The following RABGEF1 variants were observed in gnomAD, a reference collection of about 807,000 sequenced individuals.
The protein encoded by RABGEF1 is rab5 GDP/GTP exchange factor.
A neutral mutation model predicts 57.3 loss-of-function variants in RABGEF1; 26 were observed. That is an observed-to-expected ratio of 0.45 (90% CI 0.33 to 0.63). RABGEF1 has a LOEUF of 0.63. Among genes scored for constraint, RABGEF1 ranks in the 20% least tolerant of loss-of-function variants. The probability of loss-of-function intolerance (pLI) is 0.02; values close to 1 mark genes in which losing one functional copy is unlikely to be tolerated. For missense variants in RABGEF1, 464 were observed against 607.6 expected, an observed-to-expected ratio of 0.76 and a Z score of 2.48; for synonymous variants, 185 against 210.7, an observed-to-expected ratio of 0.88 and a Z score of 1.06.
At chr7:66,745,741 C>CTTGG (rs1800059784) in intron 1 of RABGEF1, among the ~76,000 whole-genome samples, 2 of 147,556 alleles carry the variant, frequency 1.4e-5, no homozygotes, top group South Asian at 4.3e-4. Context: ...TGCACTCCAG[C>CTTGG]TTGGGCAACA....
chr7:66,713,126 C>T (rs1284134737), intron 2 of RABGEF1, among the ~76,000 whole-genome samples: 4 of 148,314 alleles, frequency 2.7e-5, no homozygotes, highest in Admixed American at 6.8e-5. Context: ...TTGGGATTTT[C>T]TTTTTTTCTT....
the RABGEF1 span, chr7:66,669,967 G>A: frequency 6.6e-6 from 1 of 152,120 alleles, no homozygotes; most frequent in East Asian, 1.9e-4. Context: ...GCTTGGCCCT[G>A]GAGGCCAGCA....
chr7:66,804,996 C>T, intron 7 of RABGEF1, 144 bp from the exon 8 acceptor site: 1 of 920,982 alleles, frequency 1.1e-6, no homozygotes, highest in South Asian at 1.8e-5. Context: ...ATCATATTTA[C>T]TAAGTTATTA....
At chr7:66,739,610 C>T (rs1450879228), upstream of RABGEF1, among the ~76,000 whole-genome samples, 1 of 142,012 alleles carries the variant, frequency 7.0e-6, no homozygotes, top group East Asian at 2.1e-4. Flanking sequence ...TGCAGTAAGC[C>T]GAGATCGCAC....
chr7:66,707,666 C>T (rs1355623334), intron 1 of RABGEF1, among the ~76,000 whole-genome samples: 6 of 152,058 alleles, frequency 3.9e-5, no homozygotes, highest in Non-Finnish European at 7.4e-5. Flanking sequence ...CCAGACTGGG[C>T]AAAAGAGCAA....
intron 1 of RABGEF1, chr7:66,712,065 T>A (rs1794844043): frequency 6.6e-6 from 1 of 152,240 alleles, no homozygotes; most frequent in Admixed American, 6.5e-5. Context: ...TTGCTTTGGC[T>A]ATTCTAATTC....
the RABGEF1 span, among the ~76,000 whole-genome samples, chr7:66,657,449 A>G: frequency 6.6e-6 from 1 of 152,224 alleles, no homozygotes; most frequent in Non-Finnish European, 1.5e-5. Context: ...ATGAAAATGA[A>G]AACACAACAT....
chr7:66,676,287 A>AATAT, the RABGEF1 span, among the ~76,000 whole-genome samples: 22 of 150,824 alleles, frequency 1.5e-4, no homozygotes, highest in African/African-American at 3.6e-4. Flanking sequence ...CGTTTCAAAA[A>AATAT]ATATATATAT....
rs1024130038 is a variant in RABGEF1 at position 66,760,442 on chromosome 7, A to ATT, written c.-17-11424_-17-11423dup. Reference sequence around the variant, plus strand: ...TCCCTTGTAAAGTTGGTTAGCATGTATTTTTTTTTTTTTTTTTTGGAGACA... The same window carrying ATT: ...TCCCTTGTAAAGTTGGTTAGCATGTATTTTTTTTTTTTTTTTTTTTGGAGACA... On this transcript the variant is annotated intron_variant, in intron 1 of 8. Transcript: ENST00000284957. Among the ~76,000 whole-genome samples, 317 of 126,122 alleles carry ATT rather than the reference A, an allele frequency of 2.5e-3. 3 individuals carry two copies. Among genetic ancestry groups the ATT allele is most frequent in the East Asian group, 4.2e-3 (18 of 4,268 alleles). 82.7% of individuals were successfully genotyped at this position (126,122 alleles called of 152,430 possible). A position where few individuals can be genotyped will look rare whatever the true frequency, so the allele number is the denominator to read the frequency against.
the RABGEF1 span, among the ~76,000 whole-genome samples, chr7:66,670,433 A>ATTTT: frequency 7.6e-4 from 88 of 116,030 alleles, 1 homozygote; most frequent in Admixed American, 2.0e-3. Flanking sequence ...GAATGAGATG[A>ATTTT]TTTTTTTTTT....
chr7:66,760,388 T>G (rs1455678023), intron 1 of RABGEF1, among the ~76,000 whole-genome samples: 2 of 152,192 alleles, frequency 1.3e-5, no homozygotes. Flanking sequence ...ATGCCCCAGT[T>G]TATTTAACCA....
intron 2 of RABGEF1, among the ~76,000 whole-genome samples, chr7:66,715,660 A>G (rs1173863584): frequency 2.0e-5 from 3 of 152,230 alleles, no homozygotes; most frequent in African/African-American, 7.2e-5. Context: ...GTATGATCAG[A>G]AAGCATCGTT....
At chr7:66,742,889 C>G (rs1382726132) in intron 1 of RABGEF1, among the ~76,000 whole-genome samples, 1 of 152,164 alleles carries the variant, frequency 6.6e-6, no homozygotes, top group Non-Finnish European at 1.5e-5. Flanking sequence ...TTACAGGCAT[C>G]AGCTACCGAG....
the RABGEF1 span, among the ~76,000 whole-genome samples, chr7:66,667,860 C>T: frequency 2.6e-5 from 4 of 152,144 alleles, no homozygotes; most frequent in Non-Finnish European, 4.4e-5. Context: ...TGCAATGGTG[C>T]AATCTCGGCT....
At chr7:66,760,796 A>G (rs868472925) in intron 1 of RABGEF1, among the ~76,000 whole-genome samples, 3 of 151,906 alleles carry the variant, frequency 2.0e-5, no homozygotes, top group Admixed American at 6.6e-5. Context: ...GAGATTTTTG[A>G]ACATTTTTAA....
chr7:66,752,640 G>A (rs1801708268), intron 1 of RABGEF1, among the ~76,000 whole-genome samples: 1 of 152,178 alleles, frequency 6.6e-6, no homozygotes, highest in African/African-American at 2.4e-5. Flanking sequence ...TTATAGCAGT[G>A]GTTCTCAAAG....
At chr7:66,658,977 C>G in the RABGEF1 span, among the ~76,000 whole-genome samples, 1 of 152,040 alleles carries the variant, frequency 6.6e-6, no homozygotes, top group South Asian at 2.1e-4. Flanking sequence ...CCTCATGATC[C>G]GCCTGCCTTG....
chr7:66,752,566 G>A (rs531053896), intron 1 of RABGEF1, among the ~76,000 whole-genome samples: 37 of 152,310 alleles, frequency 2.4e-4, no homozygotes, highest in African/African-American at 8.9e-4. Flanking sequence ...TCAGAAAAGG[G>A]AGTCTCCCAT....
intron 3 of RABGEF1, among the ~76,000 whole-genome samples, chr7:66,775,995 G>A (rs937582251): frequency 6.6e-6 from 1 of 152,182 alleles, no homozygotes; most frequent in Non-Finnish European, 1.5e-5. Context: ...CCAGCAAGAG[G>A]ATTGTCACTT....
Sources: gnomAD v4.1 joint callset for allele counts (sites outside exome capture counted in the v4.1 genomes callset) on GRCh38, gnomAD v4.1.1 for gene constraint, MANE v1.5 for transcripts, NCBI Gene and HGNC (gene_info 2026-07-23, HGNC 2026-07-21) for gene names.